Variants in TP53BP2 observed in about 807,000 individuals in gnomAD.
TP53BP2 encodes the protein apoptosis-stimulating of p53 protein 2.
In TP53BP2, 62 loss-of-function variants were observed where a neutral mutation model predicts 126.2. The ratio of observed to expected loss-of-function variants is 0.49; its 90% CI spans 0.40 to 0.61. The LOEUF (loss-of-function observed/expected upper bound fraction) is 0.61. Among genes scored for constraint, TP53BP2 ranks in the 20% least tolerant of loss-of-function variants. The pLI, the probability that TP53BP2 is intolerant of heterozygous loss-of-function variation, is 0.00. For synonymous variants in TP53BP2, 485 were observed against 502.9 expected (o/e 0.96, Z 0.48); for missense variants, 1,215 against 1,402.8 (o/e 0.87, Z 2.14).
Position 223,839,803 on chromosome 1 carries a change from C to A in TP53BP2, c.27+5851G>T, listed in dbSNP as rs553356658. Among the ~76,000 whole-genome samples the A allele has an allele frequency of 3.9e-5, 6 of 152,186 alleles. 1 individual carries two copies. The South Asian group carries it at 1.0e-3, about 26-fold the overall frequency. ...AAAAAAATTTAGCTGAGTGTGGTGG[C>A]GCACTCCTGTAATCCCAACTACTCG... On this transcript the variant is annotated intron_variant, in intron 1 of 17. Transcript: ENST00000343537.
rs1414551282 is a variant in TP53BP2, at chr1:223,814,344, A to G, written c.185T>C (p.Val62Ala). Residue 62 changes from valine to alanine, a missense_variant, in exon 3 of 18, where the codon GTT (valine) becomes GCT (alanine). Transcript: ENST00000343537. ...ATCAAACATTCGCTCATTATCCGCA[A>G]CTGGACGTTCTAAAGCAAATGAGTA... is the stretch of plus-strand genomic sequence containing the variant. ...AEVWCGSERPVADNERMFDVL... is the reference protein window; with the variant it reads ...AEVWCGSERPAADNERMFDVL... The G allele has an allele frequency of 1.2e-6, 2 of 1,612,366 alleles. No homozygotes were observed. Among genetic ancestry groups the G allele is most frequent in the Non-Finnish European group, 1.7e-6 (2 of 1,178,494 alleles).
At chr1:223,821,138 G>C in intron 2 of TP53BP2, 82 bp downstream of exon 2, 4 of 1,552,374 alleles carry the variant, frequency 2.6e-6, no homozygotes, top group Non-Finnish European at 3.5e-6. Flanking sequence ...AGAAACATGA[G>C]CATTCACACA....
chr1:223,829,118 G>A (rs929563565), intron 1 of TP53BP2, among the ~76,000 whole-genome samples: 1 of 152,092 alleles, frequency 6.6e-6, no homozygotes, highest in Non-Finnish European at 1.5e-5. Context: ...CTTGAGCCCA[G>A]GAATTTGAGA....
intron 4 of TP53BP2, among the ~76,000 whole-genome samples, chr1:223,808,339 G>A (rs1003686081): frequency 3.9e-5 from 6 of 151,940 alleles, no homozygotes; most frequent in African/African-American, 9.7e-5. Flanking sequence ...TCAGGAGTTC[G>A]AGACCAGCCT....
intron 5 of TP53BP2, 22 bp downstream of exon 5, chr1:223,806,824 C>A: frequency 6.5e-7 from 1 of 1,546,524 alleles, no homozygotes; most frequent in South Asian, 1.1e-5. Flanking sequence ...CATTCATCTC[C>A]AAAAAAAAAG....
intron 11 of TP53BP2, 97 bp downstream of exon 11, chr1:223,799,802 G>T: frequency 8.7e-7 from 1 of 1,144,722 alleles, no homozygotes; most frequent in Non-Finnish European, 1.2e-6. Context: ...GGTACATCCT[G>T]TTTCTTCTGC....
rs781091111 is a variant in TP53BP2 at position 223,806,830 on chromosome 1, A to C, written c.474+16T>G. 15 of 1,610,038 alleles carry C rather than the reference A, an allele frequency of 9.3e-6. No homozygotes were observed. The highest frequency in any genetic ancestry group is 1.7e-5 in the Admixed American group (1 of 59,658). Reference sequence around the variant, plus strand: ...CAGAGTGAGCATTCATCTCCAAAAAAAAAGGACGATACTACCTTAGTTGCC... The same window carrying C: ...CAGAGTGAGCATTCATCTCCAAAAACAAAGGACGATACTACCTTAGTTGCC... On this transcript the variant is annotated intron_variant, in intron 5 of 17. Coordinates refer to ENST00000343537, the MANE Select transcript of TP53BP2 (RefSeq NM_001031685.3).
At chr1:223,840,259 A>G (rs1664061746) in intron 1 of TP53BP2, among the ~76,000 whole-genome samples, 1 of 152,248 alleles carries the variant, frequency 6.6e-6, no homozygotes, top group African/African-American at 2.4e-5. Flanking sequence ...AATAAGACAT[A>G]GAATTTTAAT....
chr1:223,808,704 T>C (rs1366081687), intron 4 of TP53BP2, among the ~76,000 whole-genome samples: 4 of 143,758 alleles, frequency 2.8e-5, no homozygotes, highest in South Asian at 2.2e-4. Context: ...AGTTCTTAGA[T>C]ACAACACTAA....
At chr1:223,821,458 T>C in intron 1 of TP53BP2, 91 bp from the exon 2 acceptor site, 1 of 1,543,130 alleles carries the variant, frequency 6.5e-7, no homozygotes, top group Admixed American at 1.7e-5. Context: ...AAAATCTCAG[T>C]TGGAAGTGCA....
intron 16 of TP53BP2, among the ~76,000 whole-genome samples, chr1:223,785,782 G>A (rs1017989039): frequency 6.6e-6 from 1 of 152,082 alleles, no homozygotes; most frequent in South Asian, 2.1e-4. Flanking sequence ...TTTTTGAGGG[G>A]ACTAAAAACA....
chr1:223,783,691 G>A (rs1236331039), intron 17 of TP53BP2, among the ~76,000 whole-genome samples: 3 of 152,300 alleles, frequency 2.0e-5, no homozygotes, highest in East Asian at 1.9e-4. Flanking sequence ...TGGTACATAC[G>A]TGCTGGCATG....
At position 223,802,344 on chromosome 1, in the gene TP53BP2, C is replaced by A. The variant is rs778811857; in HGVS notation, c.997G>T (p.Val333Phe). The change falls in exon 9 of 18, where the codon GTT (valine) becomes TTT (phenylalanine). Residue 333 changes from valine (V) to phenylalanine (F), a missense_variant and splice_region_variant. Transcript: ENST00000343537. ...TGGGGAAGATTTCCATCAGATGAAA[C>A]CTTAGGAAAGAAGCACAGGTCCTTT... ...AALQQKENLP[V>F]SSDGNLPQQA... The A allele has an allele frequency of 3.1e-6, 5 of 1,613,632 alleles. No homozygotes were observed. In the South Asian group the frequency reaches 4.4e-5, roughly 14 times the overall value.
At chr1:223,784,400 G>A (rs758676513) in intron 16 of TP53BP2, 86 bp from the exon 17 acceptor site, 9 of 1,199,962 alleles carry the variant, frequency 7.5e-6, no homozygotes, top group Non-Finnish European at 1.1e-5. Flanking sequence ...AAACAAAATG[G>A]GAAGAAACAG....
At chr1:223,785,196 A>G (rs1268406718) in intron 16 of TP53BP2, among the ~76,000 whole-genome samples, 1 of 152,252 alleles carries the variant, frequency 6.6e-6, no homozygotes, top group Non-Finnish European at 1.5e-5. Context: ...AAAAACCAGG[A>G]AAATACTTGC....
In TP53BP2 at chr1:223,783,792, C is replaced by T. The variant is rs151316502; in HGVS notation, c.3363+323G>A. Among the ~76,000 whole-genome samples the T allele has an allele frequency of 5.9e-3, 903 of 152,242 alleles. 10 individuals are homozygous for T. The highest frequency in any genetic ancestry group is 0.018 in the African/African-American group (767 of 41,546). On this transcript the variant is annotated intron_variant, in intron 17 of 17. Coordinates refer to ENST00000343537, the MANE Select transcript of TP53BP2 (RefSeq NM_001031685.3). ...TTAATGCCCTGCTGAAGCTCTCTAC[C>T]AGATTTGCAAATCCTGATTTAGACA...
chr1:223,841,507 T>C (rs989225788), intron 1 of TP53BP2, among the ~76,000 whole-genome samples: 5 of 152,208 alleles, frequency 3.3e-5, no homozygotes, highest in South Asian at 4.1e-4. Flanking sequence ...CATACAAATA[T>C]AATGTTTCAA....
intron 1 of TP53BP2, among the ~76,000 whole-genome samples, chr1:223,839,799 G>A (rs1664049363): frequency 6.6e-6 from 1 of 152,130 alleles, no homozygotes; most frequent in Non-Finnish European, 1.5e-5. Flanking sequence ...GCTGAGTGTG[G>A]TGGCGCACTC....
intron 10 of TP53BP2, 56 bp downstream of exon 10, chr1:223,800,644 A>T (rs1662497593): frequency 2.4e-6 from 3 of 1,261,464 alleles, no homozygotes; most frequent in Non-Finnish European, 3.4e-6. Context: ...AAGAATACAC[A>T]GCACCTTTCA....
Sources: allele counts gnomAD v4.1 joint callset (sites outside exome capture counted in the v4.1 genomes callset), GRCh38; gene constraint gnomAD v4.1.1; transcripts MANE v1.5; gene names NCBI Gene and HGNC (gene_info 2026-07-23, HGNC 2026-07-21).